The following YTHDC2 variants were observed in gnomAD, a reference collection of about 807,000 sequenced individuals.
YTHDC2 encodes the protein YTH N6-methyladenosine RNA binding protein C2, also known as 3'-5' RNA helicase YTHDC2.
A neutral mutation model predicts 174.9 loss-of-function variants in YTHDC2; 45 were observed. That is an observed-to-expected ratio of 0.26 (90% CI 0.20 to 0.33). The LOEUF (loss-of-function observed/expected upper bound fraction) is 0.33. YTHDC2 is among the 10% of genes least tolerant of loss of function. The probability of loss-of-function intolerance (pLI) is 1.00; values close to 1 mark genes in which losing one functional copy is unlikely to be tolerated. For synonymous variants in YTHDC2, 657 were observed against 574.5 expected (o/e 1.14, Z -2.05); for missense variants, 1,650 against 1,723.7 (o/e 0.96, Z 0.76).
At chr5:113,591,820 AAG>A (rs1779018908) in intron 27 of YTHDC2, among the ~76,000 whole-genome samples, 174 bp from the exon 28 acceptor site, 1 of 152,144 alleles carries the variant, frequency 6.6e-6, no homozygotes, top group African/African-American at 2.4e-5. Flanking sequence ...AAAATTTGCT[AAG>A]AGAGCTTTTA....
chr5:113,522,215 C>G (rs1773922942), intron 2 of YTHDC2, among the ~76,000 whole-genome samples: 2 of 145,370 alleles, frequency 1.4e-5, no homozygotes, highest in South Asian at 4.3e-4. Context: ...TTTAAGCAGT[C>G]ATTTGAGATT....
At chr5:113,576,747 C>A (rs554347134) in intron 23 of YTHDC2, among the ~76,000 whole-genome samples, 6 of 151,966 alleles carry the variant, frequency 3.9e-5, no homozygotes, top group Non-Finnish European at 5.9e-5. Context: ...ATATTTTACT[C>A]AAAAATTTGA....
intron 2 of YTHDC2, among the ~76,000 whole-genome samples, chr5:113,522,157 G>T (rs1365816033): frequency 3.1e-5 from 4 of 131,120 alleles, no homozygotes; most frequent in African/African-American, 5.4e-5. Flanking sequence ...TTTTTTTTTG[G>T]TGGTGGTTGT....
intron 23 of YTHDC2, among the ~76,000 whole-genome samples, chr5:113,575,175 A>G (rs1777965367): frequency 6.6e-6 from 1 of 152,180 alleles, no homozygotes; most frequent in Non-Finnish European, 1.5e-5. Context: ...TGTTTCTAAT[A>G]AGCCATCTTG....
intron 10 of YTHDC2, among the ~76,000 whole-genome samples, chr5:113,547,087 A>C (rs931299197): frequency 6.6e-6 from 1 of 152,180 alleles, no homozygotes; most frequent in African/African-American, 2.4e-5. Context: ...AGTCCAGTTT[A>C]TATTCAGGGA....
intron 25 of YTHDC2, chr5:113,582,278 A>G (rs1778448035): frequency 6.6e-6 from 1 of 152,244 alleles, no homozygotes; most frequent in Non-Finnish European, 1.5e-5. Context: ...GCATATAATA[A>G]GTAAACAAAT....
intron 23 of YTHDC2, among the ~76,000 whole-genome samples, chr5:113,576,092 C>T (rs1778028517): frequency 6.7e-6 from 1 of 149,982 alleles, no homozygotes; most frequent in African/African-American, 2.5e-5. Context: ...ATGGCTAAGA[C>T]ACTCTAAGTA....
chr5:113,584,243 T>A, intron 25 of YTHDC2, 59 bp from the exon 26 acceptor site: 1 of 1,447,502 alleles, frequency 6.9e-7, no homozygotes, highest in Non-Finnish European at 9.4e-7. Flanking sequence ...TATACATAAC[T>A]GATCTTTGTA....
intron 1 of YTHDC2, among the ~76,000 whole-genome samples, chr5:113,514,447 G>A (rs1773259565): frequency 6.6e-6 from 1 of 152,222 alleles, no homozygotes; most frequent in African/African-American, 2.4e-5. Context: ...AGCTACAGAT[G>A]TAGAAGAGCA....
At chr5:113,591,483 T>C (rs1250408974) in intron 27 of YTHDC2, among the ~76,000 whole-genome samples, 1 of 152,172 alleles carries the variant, frequency 6.6e-6, no homozygotes, top group Non-Finnish European at 1.5e-5. Flanking sequence ...AAGACAACTT[T>C]AGATTTACTA....
intron 21 of YTHDC2, among the ~76,000 whole-genome samples, chr5:113,566,495 T>G (rs1260646223): frequency 6.6e-6 from 1 of 151,136 alleles, no homozygotes; most frequent in Non-Finnish European, 1.5e-5. Flanking sequence ...CTATTACCTT[T>G]TAGAATTGCC....
In YTHDC2 at chr5:113,593,474, T is replaced by G; in HGVS notation, c.*8-8T>G. 8.8e-7 allele frequency: 1 copy of G among 1,131,204 alleles called. No homozygotes were observed. The highest frequency in any genetic ancestry group is 1.3e-6 in the Non-Finnish European group (1 of 786,306). 70.1% of individuals were successfully genotyped at this position (1,131,204 alleles called of 1,614,324 possible). On this transcript the variant is annotated splice_region_variant and splice_polypyrimidine_tract_variant and intron_variant, in intron 29 of 29. Transcript: ENST00000161863. ...ATTATTTATCTTTTTTTTTCCCCTTTCTTCTAGAACTCTTAGCTGTGGAAG... is the reference window on the plus strand; with the variant it reads ...ATTATTTATCTTTTTTTTTCCCCTTGCTTCTAGAACTCTTAGCTGTGGAAG...
chr5:113,565,208 A>G (rs933132427), intron 20 of YTHDC2, among the ~76,000 whole-genome samples: 2 of 152,246 alleles, frequency 1.3e-5, no homozygotes, highest in Non-Finnish European at 2.9e-5. Context: ...AAAAATAATT[A>G]CAAGCTCTTT....
chr5:113,591,613 C>A (rs1320856442), intron 27 of YTHDC2, among the ~76,000 whole-genome samples: 1 of 151,996 alleles, frequency 6.6e-6, no homozygotes, highest in Non-Finnish European at 1.5e-5. Context: ...AACCCATCAC[C>A]CATCTTGACT....
intron 25 of YTHDC2, chr5:113,584,047 G>C (rs544478314): frequency 4.3e-4 from 120 of 276,370 alleles, no homozygotes; most frequent in Middle Eastern, 2.1e-3. Context: ...TTATTTAACA[G>C]ATAAGGAAAT....
At chr5:113,527,574 G>A (rs958742255) in intron 4 of YTHDC2, among the ~76,000 whole-genome samples, 11 of 152,148 alleles carry the variant, frequency 7.2e-5, no homozygotes, top group African/African-American at 2.2e-4. Flanking sequence ...AAAATTTCCT[G>A]TGATTATATT....
intron 23 of YTHDC2, among the ~76,000 whole-genome samples, chr5:113,576,312 A>G (rs890062938): frequency 4.6e-5 from 7 of 152,200 alleles, no homozygotes; most frequent in Admixed American, 3.9e-4. Context: ...GGTTAGCTCT[A>G]TTGAATGTGC....
intron 23 of YTHDC2, among the ~76,000 whole-genome samples, chr5:113,569,690 T>TC (rs1227999135): frequency 7.9e-5 from 12 of 152,216 alleles, no homozygotes; most frequent in Admixed American, 2.6e-4. Flanking sequence ...TCTATTCTGT[T>TC]CCATCATTCT....
chr5:113,584,562 AG>A, intron 26 of YTHDC2, 83 bp downstream of exon 26: 1 of 1,217,444 alleles, frequency 8.2e-7, no homozygotes, highest in Non-Finnish European at 1.1e-6. Context: ...TAAAACAATT[AG>A]AGTACTTTTC....
Sources: gnomAD v4.1 joint callset for allele counts (sites outside exome capture counted in the v4.1 genomes callset) on GRCh38, gnomAD v4.1.1 for gene constraint, MANE v1.5 for transcripts, NCBI Gene and HGNC (gene_info 2026-07-23, HGNC 2026-07-21) for gene names.